SCNN1A: variants seen among roughly 807,000 people sequenced by gnomAD.
SCNN1A encodes epithelial sodium channel subunit alpha.
Under a neutral mutation model 68.6 loss-of-function variants are expected in SCNN1A, and 65 were observed. The ratio of observed to expected loss-of-function variants is 0.95; its 90% CI spans 0.78 to 1.16. The LOEUF (loss-of-function observed/expected upper bound fraction) is 1.16, where lower values mean the gene tolerates loss of function less well. Ranked by LOEUF, SCNN1A falls within the 50% of genes most tolerant of loss-of-function variation. SCNN1A has a pLI of 0.00. For synonymous variants in SCNN1A, 357 were observed against 353.3 expected (o/e 1.01, Z -0.12); for missense variants, 880 against 865.9 (o/e 1.02, Z -0.20).
chr12:6,363,905 AGG>A (rs1304642920), intron 2 of SCNN1A, 195 bp from the exon 3 acceptor site: 3 of 385,300 alleles, frequency 7.8e-6, no homozygotes, highest in Non-Finnish European at 1.4e-5. Flanking sequence ...GGGAAGGCGG[AGG>A]CCACGGCGAG....
At chr12:6,376,782 C>G (rs987074015), upstream of SCNN1A, among the ~76,000 whole-genome samples, 9 of 152,148 alleles carry the variant, frequency 5.9e-5, no homozygotes, top group Admixed American at 1.3e-4. Flanking sequence ...CTCACGGGCC[C>G]CACAGGAGGC....
chr12:6,348,623 C>T (rs1198135645), intron 12 of SCNN1A, 104 bp downstream of exon 12: 20 of 1,056,350 alleles, frequency 1.9e-5, no homozygotes, highest in Non-Finnish European at 2.9e-5. Context: ...CTTTGAGACT[C>T]AGAGCCTTCT....
chr12:6,356,852 T>G (rs1389467745), intron 4 of SCNN1A, among the ~76,000 whole-genome samples: 1 of 152,124 alleles, frequency 6.6e-6, no homozygotes, highest in Non-Finnish European at 1.5e-5. Flanking sequence ...AGAGGAGGAC[T>G]AAAGAGAAGA....
At chr12:6,350,433 C>CA (rs757902358) in intron 8 of SCNN1A, among the ~76,000 whole-genome samples, 2,596 of 64,480 alleles carry the variant, frequency 0.04, 41 homozygotes, top group East Asian at 0.12. Flanking sequence ...GACTCCGTCT[C>CA]AAAAAAAAAA....
chr12:6,355,700 T>G, intron 5 of SCNN1A, 77 bp downstream of exon 5: 1 of 1,069,908 alleles, frequency 9.3e-7, no homozygotes, highest in Non-Finnish European at 1.5e-6. Context: ...CCAGCAGCTC[T>G]AGGAGGTGAG....
In SCNN1A at chr12:6,363,710, C is replaced by T; in HGVS notation, c.417G>A (p.Arg139=). The change falls in exon 3 of 13, where the codon AGG becomes AGA. Residue 139 remains arginine, a splice_region_variant and synonymous_variant. Coordinates refer to ENST00000228916, the MANE Select transcript of SCNN1A (RefSeq NM_001038.6). ...CCAGCTCCTCTTTAATTTCCGGGTA[C>T]CTGAAGGGGCGAGGGGAAGAGGGTC... ...AVTICTLNPY[R]YPEIKEELEE... is the part of the protein sequence containing the mutation. The T allele has an allele frequency of 1.9e-6, 3 of 1,593,878 alleles. No homozygotes were observed. The highest frequency in any genetic ancestry group is 2.3e-5 in the East Asian group (1 of 43,080).
intron 4 of SCNN1A, among the ~76,000 whole-genome samples, chr12:6,361,424 A>C (rs977344530): frequency 1.3e-5 from 2 of 152,134 alleles, no homozygotes; most frequent in Non-Finnish European, 2.9e-5. Context: ...CTTTGATGCT[A>C]GGGAGAAAGG....
chr12:6,353,462 C>T (rs1366814689), intron 8 of SCNN1A, among the ~76,000 whole-genome samples: 2 of 152,146 alleles, frequency 1.3e-5, no homozygotes, highest in Admixed American at 1.3e-4. Flanking sequence ...GGGCACTGAG[C>T]AGGGAAGCTG....
At chr12:6,373,182 C>T (rs1948824056) in intron 2 of SCNN1A, among the ~76,000 whole-genome samples, 3 of 152,000 alleles carry the variant, frequency 2.0e-5, no homozygotes, top group South Asian at 2.1e-4. Flanking sequence ...TTTCTTAGTC[C>T]GTAACGCACC....
At chr12:6,376,797 C>T (rs1167407142), upstream of SCNN1A, among the ~76,000 whole-genome samples, 1 of 151,996 alleles carries the variant, frequency 6.6e-6, no homozygotes, top group Non-Finnish European at 1.5e-5. Flanking sequence ...GGAGGCAGCC[C>T]AGAGTGCAGG....
chr12:6,357,410 C>T (rs1446775647), intron 4 of SCNN1A, among the ~76,000 whole-genome samples: 1 of 151,692 alleles, frequency 6.6e-6, no homozygotes, highest in Admixed American at 6.6e-5. Flanking sequence ...CCCGTCTCTA[C>T]CAAAAATACA....
chr12:6,355,429 G>C lies in SCNN1A; in HGVS notation c.986C>G (p.Ser329Cys), dbSNP rs779341775. 27 of 1,613,752 alleles carry C rather than the reference G, an allele frequency of 1.7e-5. No individual in the cohort carries two copies. The highest frequency in any genetic ancestry group is 2.1e-5 in the Non-Finnish European group (25 of 1,179,980). ...ATTCTGCTCTGCGCGCAGCATCAGG[G>C]ACAGACCTAGGGGTGCAGAGAGAGC... ...SSMPGINNGL[S>C]LMLRAEQNDF... The change falls in exon 6 of 13, where the codon TCC (serine) becomes TGC (cysteine). Residue 329 changes from serine (S) to cysteine (C), a missense_variant. Transcript: ENST00000228916.
intron 8 of SCNN1A, among the ~76,000 whole-genome samples, chr12:6,352,425 C>T (rs761098138): frequency 6.6e-6 from 1 of 152,170 alleles, no homozygotes; most frequent in South Asian, 2.1e-4. Context: ...CCCTCTTCTC[C>T]GGGGAAGTAA....
At chr12:6,371,115 G>A (rs917549184) in intron 2 of SCNN1A, among the ~76,000 whole-genome samples, 1 of 152,132 alleles carries the variant, frequency 6.6e-6, no homozygotes, top group Non-Finnish European at 1.5e-5. Context: ...AGTCCTGCAT[G>A]TCCACTTTCC....
chr12:6,374,858 A>T lies in SCNN1A; in HGVS notation c.-54-21T>A. 8 of 1,613,988 alleles carry T rather than the reference A, an allele frequency of 5.0e-6. No individual in the cohort carries two copies. Among genetic ancestry groups the T allele is most frequent in the Non-Finnish European group, 6.8e-6 (8 of 1,179,984 alleles). ...TTCCCCTTCATGAGCCCCGGAGTGG[A>T]TTGGGGAGAGCAAGGGTCAGGGTCA... On this transcript the variant is annotated intron_variant, in intron 1 of 12. Transcript: ENST00000228916. This position sits in a 1 kb window ranked among gnomAD's most constrained non-coding sequence, Gnocchi z 6.2.
chr12:6,372,182 C>T lies in SCNN1A; in HGVS notation c.416+2186G>A, dbSNP rs1441683623. On this transcript the variant is annotated intron_variant, in intron 2 of 12. Coordinates refer to ENST00000228916, the MANE Select transcript of SCNN1A (RefSeq NM_001038.6). This position sits in a 1 kb window ranked among gnomAD's most constrained non-coding sequence, Gnocchi z 5.8. ...TTAATAAATAAATAATGTATGTTCC[C>T]TTGCTCAAATTATTTCCTCTTGCCA... is the stretch of plus-strand genomic sequence containing the variant. Among the ~76,000 whole-genome samples, 1 of 152,174 alleles carries T rather than the reference C, an allele frequency of 6.6e-6. No homozygotes were observed. The highest frequency in any genetic ancestry group is 6.6e-5 in the Admixed American group (1 of 15,266).
chr12:6,349,735 A>AT (rs751957946), intron 8 of SCNN1A: 386 of 244,908 alleles, frequency 1.6e-3, no homozygotes, highest in Middle Eastern at 6.3e-3. Context: ...TAATAAATTA[A>AT]TTTTTTTTTT....
chr12:6,375,514 G>A lies in SCNN1A; in HGVS notation c.-64C>T. 1 of 1,535,410 alleles carries A rather than the reference G, an allele frequency of 6.5e-7. No individual in the cohort carries two copies. The highest frequency in any genetic ancestry group is 1.4e-5 in the African/African-American group (1 of 73,122). On this transcript the variant is annotated 5_prime_UTR_variant, in exon 1 of 13. Coordinates refer to ENST00000228916, the MANE Select transcript of SCNN1A (RefSeq NM_001038.6). ...CTCTCCTCCCCCTCACCTGACAGGT[G>A]CAGCGGCCTGGCTGGGGAGCCCGCC...
rs1209548771 is a variant in SCNN1A at position 6,362,158 on chromosome 12, G to A, written c.768C>T (p.Tyr256=). ...CTGGCAGCCTCGACAGGATGTTGAT[G>A]TAGTGGAAGCGGTACCACTCCCTCA... ...DAVREWYRFH[Y]INILSRLPET... Residue 256 remains tyrosine (Y), a synonymous_variant, in exon 4 of 13, where the codon TAC becomes TAT. Transcript: ENST00000228916. The A allele has an allele frequency of 6.2e-7, 1 of 1,614,198 alleles. No homozygotes were observed. The highest frequency in any genetic ancestry group is 8.5e-7 in the Non-Finnish European group (1 of 1,179,990).
Sources: allele counts gnomAD v4.1 joint callset (sites outside exome capture counted in the v4.1 genomes callset), GRCh38; gene constraint gnomAD v4.1.1; non-coding constraint Gnocchi (gnomAD v3.1); transcripts MANE v1.5; gene names NCBI Gene and HGNC (gene_info 2026-07-23, HGNC 2026-07-21).